The following TTN variants were observed in gnomAD, a reference collection of about 807,000 sequenced individuals.
TTN encodes the protein titin, also known as connectin.
Under a neutral mutation model 3,223.0 loss-of-function variants are expected in TTN, and 1,525 were observed. The ratio of observed to expected loss-of-function variants is 0.47; its 90% CI spans 0.45 to 0.49. The LOEUF is 0.49. Ranked by LOEUF, TTN falls within the 20% of genes least tolerant of loss-of-function variation. TTN has a pLI of 0.00. For synonymous variants in TTN, 14,094 were observed against 15,161.0 expected (o/e 0.93, Z 5.17); for missense variants, 40,786 against 43,424.0 (o/e 0.94, Z 5.40).
rs1349698478 is a variant in TTN, at chr2:178,605,279, C to T, written c.53898G>A (p.Lys17966=). Residue 17966 remains lysine, a synonymous_variant, in exon 280 of 363, where the codon AAG becomes AAA. Coordinates refer to ENST00000589042, the MANE Select transcript of TTN (RefSeq NM_001267550.2). ...TGTCTCCTCGAACACTCAGACGCAA[C>T]TTAATAGTTGGAGGCACTGCAAAGA... ...IQDDEVPPTI[K]LRLSVRGDTI... The T allele has an allele frequency of 1.3e-6, 2 of 1,584,962 alleles. No individual in the cohort carries two copies. Among genetic ancestry groups the T allele is most frequent in the Non-Finnish European group, 1.7e-6 (2 of 1,166,326 alleles).
In TTN at chr2:178,775,383, A is replaced by T; in HGVS notation, c.6481T>A (p.Ser2161Thr). 1 of 1,614,080 alleles carries T rather than the reference A, an allele frequency of 6.2e-7. No individual in the cohort carries two copies. The highest frequency in any genetic ancestry group is 8.5e-7 in the Non-Finnish European group (1 of 1,180,010). ...VKAINIAGET[S>T]SHAFLLVQAK... ...TGGACAAGTAAGAATGCGTGACTGGAGGTTTCTCCAGCTATGTTGATGGCT... is the reference window on the plus strand; with the variant it reads ...TGGACAAGTAAGAATGCGTGACTGGTGGTTTCTCCAGCTATGTTGATGGCT... Residue 2161 changes from serine (S) to threonine (T), a missense_variant, in exon 28 of 363, where the codon TCC becomes ACC. Transcript: ENST00000589042.
chr2:178,782,807 C>G lies in TTN; in HGVS notation c.3099G>C (p.Gln1033His). 6.2e-7 allele frequency: 1 copy of G among 1,612,738 alleles called. No individual in the cohort carries two copies. The highest frequency in any genetic ancestry group is 8.5e-7 in the Non-Finnish European group (1 of 1,179,828). ...TVSTSCYLAV[Q>H]VSEEFEKETT... Reference sequence around the variant, plus strand: ...GACTGTGGGAGGGTGGCCACTAACCCTGCACAGCCAGATAGCAGGATGTGC... The same window carrying G: ...GACTGTGGGAGGGTGGCCACTAACCGTGCACAGCCAGATAGCAGGATGTGC... Residue 1033 changes from glutamine to histidine, a missense_variant and splice_region_variant, in exon 18 of 363, where the codon CAG becomes CAC. Transcript: ENST00000589042.
Position 178,543,256 on chromosome 2 carries a change from G to A in TTN, c.96717C>T (p.Leu32239=), listed in dbSNP as rs1317384618. 8.7e-6 allele frequency: 14 copies of A among 1,613,564 alleles called. No homozygotes were observed. The highest frequency in any genetic ancestry group is 4.5e-5 in the East Asian group (2 of 44,862). The stretch of plus-strand genomic sequence containing the variant: ...TCTCTGTGCCAGCTTTGCAGGCCTC[G>A]AGAACATATCCAGTGAGTCGGCTAC... ...DGGSRLTGYV[L]EACKAGTERW... The change falls in exon 347 of 363, where the codon CTC becomes CTT. Residue 32239 remains leucine (L), a synonymous_variant. Coordinates refer to ENST00000589042, the MANE Select transcript of TTN (RefSeq NM_001267550.2).
rs879111430 is a variant in TTN, at chr2:178,639,775, G to T, written c.40800C>A (p.Ile13600=). The T allele has an allele frequency of 2.5e-6, 4 of 1,595,922 alleles. No individual in the cohort carries two copies. The highest frequency in any genetic ancestry group is 3.4e-6 in the Non-Finnish European group (4 of 1,173,180). ...GTTCAGGTTCCACAGGAGGTGGTTT[G>T]ATTGTTTTCACTTCTGTAGAGAGAA... ...KPKPEAEVKT[I]KPPPVEPEPT... Residue 13600 remains isoleucine, a synonymous_variant, in exon 223 of 363, where the codon ATC becomes ATA. Transcript: ENST00000589042.
In TTN at chr2:178,621,287, G is replaced by GA; in HGVS notation, c.45430dup (p.Ser15144PhefsTer13). 6.2e-7 allele frequency: 1 copy of GA among 1,612,066 alleles called. No individual in the cohort carries two copies. Among genetic ancestry groups the GA allele is most frequent in the Non-Finnish European group, 8.5e-7 (1 of 1,179,046 alleles). Reference sequence around the variant, plus strand: ...CCACTGGACTGGAAAGCTTTCTTTTGATATAGAGCAGACAAATTCAGCCTT... The same window carrying GA: ...CCACTGGACTGGAAAGCTTTCTTTTGAATATAGAGCAGACAAATTCAGCCTT... On this transcript the variant is annotated frameshift_variant, in exon 246 of 363. Coordinates refer to ENST00000589042, the MANE Select transcript of TTN (RefSeq NM_001267550.2). LOFTEE classifies it high-confidence loss of function.
chr2:178,769,645 A>G (rs1481760015), intron 37 of TTN, 34 bp downstream of exon 37: 2 of 1,315,700 alleles, frequency 1.5e-6, no homozygotes, highest in African/African-American at 6.0e-5. Flanking sequence ...TTTTATATAT[A>G]TGTGTATATA....
chr2:178,587,456 A>C (rs751621996), intron 306 of TTN, 39 bp from the exon 307 acceptor site: 52 of 1,603,072 alleles, frequency 3.2e-5, no homozygotes, highest in Non-Finnish European at 3.8e-5. Context: ...ATGTCTCCTC[A>C]GCATCCCTAT....
In TTN at chr2:178,704,126, A is replaced by G. The variant is rs539090150; in HGVS notation, c.30223+21T>C. On this transcript the variant is annotated intron_variant, in intron 106 of 362. Transcript: ENST00000589042. ...ATTGACCTATGCTGTACCCACAAGG[A>G]CTCCATAGTGTTTCACGCACCTTCG... 64 of 1,611,214 alleles carry G rather than the reference A, an allele frequency of 4.0e-5. No individual in the cohort carries two copies. The African/African-American group carries it at 6.9e-4, about 17-fold the overall frequency.
chr2:178,633,279 CAA>C lies in TTN; in HGVS notation c.42992_42993del (p.Phe14331CysfsTer3). ...VEKPLYGVEV[F>X]VGETAHFEIE... The stretch of plus-strand genomic sequence containing the variant: ...ATTTCAAAGTGGGCTGTTTCACCAA[CAA>C]ACACCTCTACTCCGTACAGAGGCTT... On this transcript the variant is annotated frameshift_variant, in exon 233 of 363. Coordinates refer to ENST00000589042, the MANE Select transcript of TTN (RefSeq NM_001267550.2). LOFTEE classifies it high-confidence loss of function. 1.2e-6 allele frequency: 2 copies of C among 1,613,352 alleles called. No homozygotes were observed. The highest frequency in any genetic ancestry group is 1.7e-6 in the Non-Finnish European group (2 of 1,179,506).
intron 250 of TTN, 158 bp downstream of exon 250, chr2:178,619,463 C>G (rs1371998756): frequency 1.2e-6 from 1 of 816,126 alleles, no homozygotes; most frequent in East Asian, 2.7e-5. Context: ...TTACTCAAGA[C>G]ACTTACTTTG....
At position 178,688,768 on chromosome 2, in the gene TTN, A is replaced by G. The variant is rs1267116084; in HGVS notation, c.32106T>C (p.Ser10702=). The change falls in exon 126 of 363, where the codon TCT becomes TCC. Residue 10702 remains serine (S), a synonymous_variant. Coordinates refer to ENST00000589042, the MANE Select transcript of TTN (RefSeq NM_001267550.2). ...TCTTTTCTTCTACAACAGTTTTCTT[A>G]GAGACTTCAGCTTTAAGAAAGTGTT... ...KKAPPPRAEV[S]KKTVVEEKRF... 6.2e-7 allele frequency: 1 copy of G among 1,608,238 alleles called. No individual in the cohort carries two copies. Among genetic ancestry groups the G allele is most frequent in the Non-Finnish European group, 8.5e-7 (1 of 1,174,858 alleles).
intron 21 of TTN, among the ~76,000 whole-genome samples, chr2:178,780,553 T>C (rs1302093003): frequency 6.6e-6 from 1 of 152,222 alleles, no homozygotes; most frequent in Non-Finnish European, 1.5e-5. Context: ...ATATTGTAAT[T>C]TCCTCTAAGG....
At chr2:178,750,683 C>T (rs992228158) in intron 47 of TTN, 1 of 1,612,514 alleles carries the variant, frequency 6.2e-7, no homozygotes. Flanking sequence ...TTGTAATTCT[C>T]TCAAATCATC....
At chr2:178,654,149 A>G in intron 193 of TTN, 54 bp from the exon 194 acceptor site, 1 of 1,592,780 alleles carries the variant, frequency 6.3e-7, no homozygotes, top group Non-Finnish European at 8.5e-7. Context: ...TATATATTAC[A>G]GTGATTGTGA....
At chr2:178,671,866 T>A (rs2067047044) in intron 155 of TTN, 105 bp downstream of exon 155, 1 of 1,223,848 alleles carries the variant, frequency 8.2e-7, no homozygotes, top group East Asian at 2.4e-5. Context: ...ATGTTTAAAG[T>A]ATTTCATGGG....
rs1703325248 is a variant in TTN, at chr2:178,560,700, CT to C, written c.85431del (p.Asp28478MetfsTer11). 6.2e-7 allele frequency: 1 copy of C among 1,613,682 alleles called. No homozygotes were observed. Among genetic ancestry groups the C allele is most frequent in the Non-Finnish European group, 8.5e-7 (1 of 1,179,792 alleles). Reference protein sequence around the residue: ...KCSLSWGRPQEDGGADIDYYI... With the variant: ...KCSLSWGRPQXDGGADIDYYI... Reference sequence around the variant, plus strand: ...TAATAGTCGATATCTGCACCACCATCTTCTTGGGGACGTCCCCAGGAAAGAG... The same window carrying C: ...TAATAGTCGATATCTGCACCACCATCTCTTGGGGACGTCCCCAGGAAAGAG... On this transcript the variant is annotated frameshift_variant, in exon 326 of 363. Transcript: ENST00000589042. LOFTEE classifies it high-confidence loss of function.
At position 178,539,133 on chromosome 2, in the gene TTN, G is replaced by C. The variant is rs1273309840; in HGVS notation, c.98802C>G (p.Ile32934Met). Residue 32934 changes from isoleucine to methionine, a missense_variant, in exon 353 of 363, where the codon ATC (isoleucine) becomes ATG (methionine). By Grantham distance (10) the Ile-to-Met change is conservative. Transcript: ENST00000589042. The part of the protein sequence containing the change: ...DGGSRVTGYY[I>M]ERKETSTDKW... ...TGTCAGTGGATGTCTCTTTGCGTTC[G>C]ATGTAGTAGCCTGTGACTCTAGAAC... 1 of 1,613,708 alleles carries C rather than the reference G, an allele frequency of 6.2e-7. No homozygotes were observed. The highest frequency in any genetic ancestry group is 8.5e-7 in the Non-Finnish European group (1 of 1,179,736).
chr2:178,747,470 G>T (rs755828174), intron 47 of TTN: 1 of 1,613,376 alleles, frequency 6.2e-7, no homozygotes, highest in Non-Finnish European at 8.5e-7. Flanking sequence ...TTCTTCACTG[G>T]TTGTACTTCC....
rs1389165052 is a variant in TTN at position 178,546,816 on chromosome 2, C to T, written c.94612G>A (p.Val31538Ile). 2 of 1,611,824 alleles carry T rather than the reference C, an allele frequency of 1.2e-6. No homozygotes were observed. Among genetic ancestry groups the T allele is most frequent in the Non-Finnish European group, 8.5e-7 (1 of 1,178,284 alleles). ...TTACGCTCTATGATGTAGCCCACAA[C>T]CTTGCTGCCTCCATCATACGCTGGG... is the stretch of plus-strand genomic sequence containing the variant. ...SAPAYDGGSK[V>I]VGYIIERKPV... Residue 31538 changes from valine (V) to isoleucine (I), a missense_variant, in exon 341 of 363, where the codon GTT becomes ATT. Physicochemically the swap from Val to Ile is conservative, Grantham distance 29 (BLOSUM62 3). Transcript: ENST00000589042.
Sources: gnomAD v4.1 joint callset for allele counts (sites outside exome capture counted in the v4.1 genomes callset) on GRCh38, gnomAD v4.1.1 for gene constraint, MANE v1.5 for transcripts, NCBI Gene and HGNC (gene_info 2026-07-23, HGNC 2026-07-21) for gene names.